SMARCA4: variants seen among roughly 807,000 people sequenced by gnomAD.
SMARCA4 encodes SWI/SNF related BAF chromatin remodeling complex subunit ATPase 4.
Under a neutral mutation model 193.9 loss-of-function variants are expected in SMARCA4, and 31 were observed. The ratio of observed to expected loss-of-function variants is 0.16; its 90% CI spans 0.12 to 0.22. The LOEUF (loss-of-function observed/expected upper bound fraction) is 0.22. Ranked by LOEUF, SMARCA4 falls within the 10% of genes least tolerant of loss-of-function variation. The pLI, the probability that SMARCA4 is intolerant of heterozygous loss-of-function variation, is 1.00. For synonymous variants in SMARCA4, 942 were observed against 933.1 expected (o/e 1.01, Z -0.17); for missense variants, 1,148 against 2,296.0 (o/e 0.50, Z 10.22).
rs369657349 is a variant in SMARCA4 at position 10,985,227 on chromosome 19, T to G, written c.223-46T>G. ...GGCAGCGCATAGCTGCGCTGCCACC[T>G]CACGTTCCACATGCTGACCCTGCCT... On this transcript the variant is annotated intron_variant, in intron 2 of 34. Transcript: ENST00000344626. The surrounding 1 kb of genome is among the most constrained non-coding windows in gnomAD (Gnocchi z 4.5). 1.9e-6 allele frequency: 3 copies of G among 1,611,758 alleles called. No individual in the cohort carries two copies. The African/African-American group carries it at 4.0e-5, about 22-fold the overall frequency.
chr19:11,028,367 A>G (rs373969098), intron 24 of SMARCA4, among the ~76,000 whole-genome samples: 23 of 152,354 alleles, frequency 1.5e-4, no homozygotes, highest in Non-Finnish European at 2.6e-4. Context: ...ACTTTTCTCC[A>G]GCTCTTTGCT....
At chr19:11,057,257 A>G (rs1426882616) in intron 30 of SMARCA4, among the ~76,000 whole-genome samples, 1 of 152,196 alleles carries the variant, frequency 6.6e-6, no homozygotes, top group Non-Finnish European at 1.5e-5. Flanking sequence ...CAGCTCTCAG[A>G]GCTTCTGTCC....
chr19:10,994,767 C>G (rs1396803629), intron 8 of SMARCA4, 61 bp from the exon 9 acceptor site: 6 of 1,457,384 alleles, frequency 4.1e-6, no homozygotes, highest in Non-Finnish European at 5.8e-6. Flanking sequence ...ACAAGCCTTG[C>G]GGGGAGATGT....
In SMARCA4 at chr19:11,033,533, GCCCCGA is replaced by G; in HGVS notation, c.3774+21_3774+26del. 1 of 1,596,326 alleles carries G rather than the reference GCCCCGA, an allele frequency of 6.3e-7. No homozygotes were observed. The highest frequency in any genetic ancestry group is 8.6e-7 in the Non-Finnish European group (1 of 1,164,780). On this transcript the variant is annotated intron_variant, in intron 26 of 34. Coordinates refer to ENST00000344626, the MANE Select transcript of SMARCA4 (RefSeq NM_003072.5). This position sits in a 1 kb window ranked among gnomAD's most constrained non-coding sequence, Gnocchi z 9.8. ...GCAGGATGAGGTGAGCCCAGCACCG[GCCCCGA>G]CCCCTCCCCAGCGTGAATGGTGGAC... is the stretch of plus-strand genomic sequence containing the variant.
chr19:11,058,766 C>T lies in SMARCA4; in HGVS notation c.4534-22C>T. On this transcript the variant is annotated intron_variant, in intron 31 of 34. Transcript: ENST00000344626. The surrounding 1 kb of genome is among the most constrained non-coding windows in gnomAD (Gnocchi z 5.8). ...GCGAGGCGGGGTCCTGAGGTAAGACCTGCTCCTCCCGTCCACTGCAGGAGC... is the reference window on the plus strand; with the variant it reads ...GCGAGGCGGGGTCCTGAGGTAAGACTTGCTCCTCCCGTCCACTGCAGGAGC... 1 of 1,606,758 alleles carries T rather than the reference C, an allele frequency of 6.2e-7. No individual in the cohort carries two copies. Among genetic ancestry groups the T allele is most frequent in the Non-Finnish European group, 8.5e-7 (1 of 1,173,506 alleles).
intron 18 of SMARCA4, chr19:11,021,283 C>T (rs1385311358): frequency 2.9e-6 from 1 of 345,726 alleles, no homozygotes; most frequent in African/African-American, 2.1e-5. Context: ...CCATGGGGCC[C>T]ACATTCTGAA....
chr19:10,987,073 G>A lies in SMARCA4; in HGVS notation c.859+70G>A. On this transcript the variant is annotated intron_variant, in intron 5 of 34. Transcript: ENST00000344626. This position sits in a 1 kb window ranked among gnomAD's most constrained non-coding sequence, Gnocchi z 5.3. Reference sequence around the variant, plus strand: ...CATCTCAAGCTTGGGTCCTTGAGATGAGCTTTGTCAGGGAGAAAGGGCCGA... The same window carrying A: ...CATCTCAAGCTTGGGTCCTTGAGATAAGCTTTGTCAGGGAGAAAGGGCCGA... The A allele has an allele frequency of 8.5e-7, 1 of 1,172,476 alleles. No individual in the cohort carries two copies. The highest frequency in any genetic ancestry group is 1.3e-6 in the Non-Finnish European group (1 of 798,748). 72.6% of individuals were successfully genotyped at this position (1,172,476 alleles called of 1,614,324 possible).
chr19:11,024,307 G>A lies in SMARCA4; in HGVS notation c.2974-24G>A, dbSNP rs540433024. On this transcript the variant is annotated intron_variant, in intron 20 of 34. Coordinates refer to ENST00000344626, the MANE Select transcript of SMARCA4 (RefSeq NM_003072.5). ...AGGCCTCAAGCCACCTTGGGCCCTCGTGAGCATTATGTGTCCCCTGCAGGT... is the reference window on the plus strand; with the variant it reads ...AGGCCTCAAGCCACCTTGGGCCCTCATGAGCATTATGTGTCCCCTGCAGGT... The A allele has an allele frequency of 1.2e-5, 18 of 1,562,610 alleles. No homozygotes were observed. The East Asian group carries it at 1.3e-4, about 12-fold the overall frequency.
intron 34 of SMARCA4, 31 bp from the exon 35 acceptor site, chr19:11,061,753 C>T (rs779226613): frequency 3.8e-5 from 61 of 1,611,104 alleles, no homozygotes; most frequent in African/African-American, 6.7e-5. Context: ...GGGTGGCCAA[C>T]GCACACTCTC....
chr19:10,964,258 G>C (rs2084036099), intron 1 of SMARCA4, among the ~76,000 whole-genome samples: 1 of 152,006 alleles, frequency 6.6e-6, no homozygotes, highest in South Asian at 2.1e-4. Context: ...TGGGAGGTGG[G>C]AGCATGGGAG....
chr19:10,978,554 G>A (rs1370288536), intron 1 of SMARCA4, among the ~76,000 whole-genome samples: 1 of 151,676 alleles, frequency 6.6e-6, no homozygotes, highest in Non-Finnish European at 1.5e-5. Flanking sequence ...GGCTGGTCTC[G>A]AACTCCTGAC....
intron 1 of SMARCA4, chr19:10,983,787 A>C: frequency 2.7e-6 from 1 of 368,756 alleles, no homozygotes; most frequent in Non-Finnish European, 5.2e-6. Flanking sequence ...AAGATAAGCA[A>C]GTGGAGAGCA....
In SMARCA4 at chr19:10,985,201, G is replaced by A. The variant is rs370116117; in HGVS notation, c.223-72G>A. On this transcript the variant is annotated intron_variant, in intron 2 of 34. Coordinates refer to ENST00000344626, the MANE Select transcript of SMARCA4 (RefSeq NM_003072.5). This position sits in a 1 kb window ranked among gnomAD's most constrained non-coding sequence, Gnocchi z 4.5. ...TTCTCGGTGCCCTCGAGCTTCTCTC[G>A]GGCAGCGCATAGCTGCGCTGCCACC... The A allele has an allele frequency of 1.8e-5, 27 of 1,539,286 alleles. No homozygotes were observed. The East Asian group carries it at 4.0e-4, about 23-fold the overall frequency.
At chr19:10,997,780 T>G (rs2087222045) in intron 11 of SMARCA4, among the ~76,000 whole-genome samples, 1 of 152,156 alleles carries the variant, frequency 6.6e-6, no homozygotes, top group South Asian at 2.1e-4. Flanking sequence ...ACCTGTGTTT[T>G]TTCCTAAACT....
intron 12 of SMARCA4, 89 bp downstream of exon 12, chr19:11,003,248 A>C (rs2146103738): frequency 2.5e-6 from 4 of 1,606,022 alleles, no homozygotes; most frequent in Non-Finnish European, 3.4e-6. Context: ...GAGCAATTTT[A>C]CTTCTGTTTG....
At chr19:10,970,926 C>T (rs139480120) in intron 1 of SMARCA4, among the ~76,000 whole-genome samples, 1,590 of 152,226 alleles carry the variant, frequency 0.01, 24 homozygotes, top group Non-Finnish European at 0.01. Flanking sequence ...GGGCCAGGCA[C>T]GGTGGCTCAC....
rs1028929208 is a variant in SMARCA4 at position 11,024,351 on chromosome 19, C to T, written c.2994C>T (p.Cys998=). 1.5e-5 allele frequency: 24 copies of T among 1,612,544 alleles called. No individual in the cohort carries two copies. In the Admixed American group the frequency reaches 1.7e-4, roughly 11 times the overall value. The stretch of plus-strand genomic sequence containing the variant: ...TGCAGGTGGAGTACGTCATCAAGTG[C>T]GACATGTCTGCGCTGCAGCGAGTGC... The part of the protein sequence containing the change: ...LPEKVEYVIK[C]DMSALQRVLY... The change falls in exon 21 of 35, where the codon TGC becomes TGT. Residue 998 remains cysteine, a synonymous_variant. Coordinates refer to ENST00000344626, the MANE Select transcript of SMARCA4 (RefSeq NM_003072.5).
chr19:10,988,623 A>G (rs2086276953), intron 6 of SMARCA4, among the ~76,000 whole-genome samples: 1 of 151,652 alleles, frequency 6.6e-6, no homozygotes, highest in South Asian at 2.1e-4. Flanking sequence ...GGCTCCTTCT[A>G]CTCATTCAGG....
At chr19:11,054,538 G>T (rs187042388) in intron 30 of SMARCA4, among the ~76,000 whole-genome samples, 4 of 152,278 alleles carry the variant, frequency 2.6e-5, no homozygotes, top group Non-Finnish European at 5.9e-5. Context: ...CTCAGCCTGT[G>T]ATCCCAGCAC....
Sources: allele counts gnomAD v4.1 joint callset (sites outside exome capture counted in the v4.1 genomes callset), GRCh38; gene constraint gnomAD v4.1.1; non-coding constraint Gnocchi (gnomAD v3.1); transcripts MANE v1.5; gene names NCBI Gene and HGNC (gene_info 2026-07-23, HGNC 2026-07-21).